The following SPACA7 variants were observed in gnomAD, a reference collection of about 807,000 sequenced individuals.
SPACA7 encodes sperm acrosome associated 7, also known as sperm acrosome-associated protein 7.
SPACA7 carries 19 observed loss-of-function variants against 26.3 expected under a neutral mutation model. That is an observed-to-expected ratio of 0.72 (90% CI 0.50 to 1.06). SPACA7 has a LOEUF of 1.06. Ranked by LOEUF, SPACA7 falls within the 50% of genes least tolerant of loss-of-function variation. SPACA7 has a pLI of 0.00. For missense variants in SPACA7, 211 were observed against 229.9 expected (o/e 0.92, Z 0.53); for synonymous variants, 84 against 84.5 (o/e 0.99, Z 0.04).
At chr13:112,383,202 GAAAGA>G (rs1884316418) in intron 1 of SPACA7, among the ~76,000 whole-genome samples, 5 of 142,902 alleles carry the variant, frequency 3.5e-5, no homozygotes, top group Admixed American at 1.4e-4. Flanking sequence ...AGAAAAGAAA[GAAAGA>G]AAGGAAAGAA....
In SPACA7 at chr13:112,383,115, GAAAAGAA is replaced by G. The variant is rs373592658; in HGVS notation, c.94+6639_94+6645del. On this transcript the variant is annotated intron_variant, in intron 1 of 6. Transcript: ENST00000283550. The stretch of plus-strand genomic sequence containing the variant: ...GAAAGAAAGAAGAAAGAAAAGAAAA[GAAAAGAA>G]AAGAAAGAAAGAAAGAAAGAAAGAA... Among the ~76,000 whole-genome samples, 4 of 7,954 alleles carry G rather than the reference GAAAAGAA, an allele frequency of 5.0e-4. 1 individual carries two copies. The highest frequency in any genetic ancestry group is 1.7e-3 in the Non-Finnish European group (4 of 2,408). The allele number at this position is 7,954 out of a possible 152,430, so 5.2% of individuals were successfully genotyped here. A position where few individuals can be genotyped will look rare whatever the true frequency, so the allele number is the denominator to read the frequency against.
At chr13:112,408,871 G>A (rs1886163446) in intron 5 of SPACA7, among the ~76,000 whole-genome samples, 1 of 152,008 alleles carries the variant, frequency 6.6e-6, no homozygotes, top group African/African-American at 2.4e-5. Flanking sequence ...CTACTTTAAA[G>A]TTCATATGGA....
chr13:112,379,804 T>A (rs575838014), intron 1 of SPACA7, among the ~76,000 whole-genome samples: 1 of 152,322 alleles, frequency 6.6e-6, no homozygotes, highest in South Asian at 2.1e-4. Flanking sequence ...CATTTAGAAT[T>A]TTACTTGGAT....
chr13:112,394,421 TCG>T (rs1167224143), intron 2 of SPACA7, among the ~76,000 whole-genome samples: 2 of 151,648 alleles, frequency 1.3e-5, no homozygotes, highest in Admixed American at 1.3e-4. Context: ...CTGCACGGCC[TCG>T]AACAGGGGCT....
chr13:112,390,576 G>A (rs1020151588), intron 1 of SPACA7, among the ~76,000 whole-genome samples: 1 of 152,192 alleles, frequency 6.6e-6, no homozygotes, highest in African/African-American at 2.4e-5. Flanking sequence ...TCACTATTCT[G>A]TGAACTGTAT....
chr13:112,395,231 G>C (rs1169603546), intron 2 of SPACA7, among the ~76,000 whole-genome samples: 3 of 152,224 alleles, frequency 2.0e-5, no homozygotes, highest in African/African-American at 7.2e-5. Context: ...GGGCGGTGAG[G>C]GGTTGGTGAG....
At chr13:112,423,800 A>C (rs1033413632) in intron 5 of SPACA7, among the ~76,000 whole-genome samples, 4 of 152,256 alleles carry the variant, frequency 2.6e-5, no homozygotes, top group African/African-American at 9.6e-5. Flanking sequence ...ACGATCTGGC[A>C]ATCAACCTGA....
chr13:112,424,066 A>G (rs1193815924), intron 5 of SPACA7, among the ~76,000 whole-genome samples: 3 of 152,228 alleles, frequency 2.0e-5, no homozygotes, highest in African/African-American at 7.2e-5. Context: ...AGGCAGGAGA[A>G]GCAAGATGCA....
intron 6 of SPACA7, among the ~76,000 whole-genome samples, chr13:112,433,440 G>C (rs1272205780): frequency 6.7e-6 from 1 of 149,676 alleles, no homozygotes; most frequent in African/African-American, 2.5e-5. Flanking sequence ...CCCTGCCTGG[G>C]AGCTTACCTG....
chr13:112,415,910 A>G (rs1454664404), intron 5 of SPACA7, among the ~76,000 whole-genome samples: 2 of 152,016 alleles, frequency 1.3e-5, no homozygotes, highest in African/African-American at 4.8e-5. Context: ...CTGGCCTGGA[A>G]TCAAGGACCA....
intron 6 of SPACA7, among the ~76,000 whole-genome samples, chr13:112,433,281 C>G (rs370346374): frequency 1.5e-5 from 2 of 136,498 alleles, no homozygotes; most frequent in Non-Finnish European, 3.3e-5. Flanking sequence ...GAGCCATTGC[C>G]GAGCCACATG....
chr13:112,426,198 C>G (rs1876520418), intron 5 of SPACA7, among the ~76,000 whole-genome samples: 1 of 152,194 alleles, frequency 6.6e-6, no homozygotes, highest in Non-Finnish European at 1.5e-5. Context: ...TCTTGAGTTG[C>G]CTTAGCATAT....
chr13:112,378,762 T>C (rs1366727911), intron 1 of SPACA7: 2 of 471,036 alleles, frequency 4.2e-6, no homozygotes, highest in Admixed American at 4.7e-5. Flanking sequence ...CAAATCAACC[T>C]CAGTTTTTAA....
intron 5 of SPACA7, among the ~76,000 whole-genome samples, chr13:112,402,687 T>G (rs1277251822): frequency 6.6e-6 from 1 of 152,202 alleles, no homozygotes; most frequent in Non-Finnish European, 1.5e-5. Flanking sequence ...CATTTGAACA[T>G]GTAAGGAAAG....
chr13:112,399,226 G>A (rs1885479917), intron 4 of SPACA7, 53 bp downstream of exon 4: 2 of 969,796 alleles, frequency 2.1e-6, no homozygotes, highest in South Asian at 1.3e-5. Context: ...AATGGGAGAG[G>A]TAGGAGGCAG....
intron 6 of SPACA7, among the ~76,000 whole-genome samples, chr13:112,433,339 C>T (rs1594343901): frequency 1.3e-5 from 2 of 148,448 alleles, no homozygotes; most frequent in Non-Finnish European, 3.0e-5. Flanking sequence ...GAGACCCTGT[C>T]ACCTTCACTC....
chr13:112,388,299 T>C (rs1361919192), intron 1 of SPACA7, among the ~76,000 whole-genome samples: 1 of 152,064 alleles, frequency 6.6e-6, no homozygotes, highest in Non-Finnish European at 1.5e-5. Context: ...TCCTACTAGT[T>C]AGAAAGAGCC....
intron 1 of SPACA7, among the ~76,000 whole-genome samples, chr13:112,385,805 AT>A (rs1383434866): frequency 6.6e-6 from 1 of 152,186 alleles, no homozygotes; most frequent in Non-Finnish European, 1.5e-5. Flanking sequence ...TTAAGTGCTT[AT>A]TTTTTAAGTC....
chr13:112,418,154 A>G (rs1373209657), intron 5 of SPACA7, among the ~76,000 whole-genome samples: 1 of 152,198 alleles, frequency 6.6e-6, no homozygotes, highest in African/African-American at 2.4e-5. Context: ...GAAATTCTAG[A>G]TAAAATATAA....
Sources: gnomAD v4.1 joint callset for allele counts (sites outside exome capture counted in the v4.1 genomes callset) on GRCh38, gnomAD v4.1.1 for gene constraint, MANE v1.5 for transcripts, NCBI Gene and HGNC (gene_info 2026-07-23, HGNC 2026-07-21) for gene names.